SLC39A11: variants seen among roughly 807,000 people sequenced by gnomAD.
SLC39A11 encodes the protein zinc transporter ZIP11.
SLC39A11 carries 33 observed loss-of-function variants against 36.1 expected under a neutral mutation model. The observed-to-expected ratio is 0.91, with a 90% confidence interval of 0.69 to 1.22. SLC39A11 has a LOEUF of 1.22. Ranked by LOEUF, SLC39A11 falls within the 50% of genes most tolerant of loss-of-function variation. The pLI, the probability that SLC39A11 is intolerant of heterozygous loss-of-function variation, is 0.00. For synonymous variants in SLC39A11, 166 were observed against 170.3 expected, an observed-to-expected ratio of 0.97 and a Z score of 0.20; for missense variants, 432 against 430.3, an observed-to-expected ratio of 1.00 and a Z score of -0.03.
chr17:72,909,494 G>T (rs2082850594), intron 5 of SLC39A11, among the ~76,000 whole-genome samples: 1 of 152,156 alleles, frequency 6.6e-6, no homozygotes. Context: ...TACGAAGAAA[G>T]AACTGGTCCA....
intron 6 of SLC39A11, among the ~76,000 whole-genome samples, chr17:72,748,336 C>A (rs1399901983): frequency 3.8e-5 from 5 of 133,212 alleles, no homozygotes; most frequent in Non-Finnish European, 6.7e-5. Flanking sequence ...AAAAAAAATT[C>A]TTATCAATAA....
chr17:72,773,578 A>ATT (rs1232205247), intron 6 of SLC39A11, among the ~76,000 whole-genome samples: 7 of 151,586 alleles, frequency 4.6e-5, no homozygotes, highest in Non-Finnish European at 8.8e-5. Flanking sequence ...TTCTTTATGA[A>ATT]TTACCCAGTC....
chr17:72,666,157 T>C (rs2070746849), intron 7 of SLC39A11, among the ~76,000 whole-genome samples: 1 of 152,214 alleles, frequency 6.6e-6, no homozygotes, highest in Non-Finnish European at 1.5e-5. Flanking sequence ...CTTTTCCAGA[T>C]CCTACGTTTT....
chr17:72,862,041 A>T (rs962452635), intron 5 of SLC39A11, among the ~76,000 whole-genome samples: 8 of 151,944 alleles, frequency 5.3e-5, no homozygotes, highest in South Asian at 4.1e-4. Context: ...CCATGAATCA[A>T]CCCATTCAAA....
chr17:72,718,691 C>G (rs58044734), intron 7 of SLC39A11, among the ~76,000 whole-genome samples: 45,708 of 152,070 alleles, frequency 0.3, 8,640 homozygotes, highest in African/African-American at 0.53. Context: ...ACAGAAAGTA[C>G]AATGGCAGCT....
intron 5 of SLC39A11, among the ~76,000 whole-genome samples, chr17:72,899,543 G>C (rs899383552): frequency 6.6e-6 from 1 of 152,012 alleles, no homozygotes; most frequent in South Asian, 2.1e-4. Context: ...ATTCCTCTCC[G>C]GCCACATTCA....
At chr17:72,835,529 C>T (rs147075288) in intron 6 of SLC39A11, among the ~76,000 whole-genome samples, 1 of 152,256 alleles carries the variant, frequency 6.6e-6, no homozygotes, top group Non-Finnish European at 1.5e-5. Flanking sequence ...GGCACAAGCA[C>T]GGCTCACTGC....
intron 5 of SLC39A11, among the ~76,000 whole-genome samples, chr17:72,882,636 T>C (rs981486939): frequency 2.6e-5 from 4 of 152,148 alleles, no homozygotes; most frequent in African/African-American, 7.2e-5. Context: ...GCTACTTTAT[T>C]CATTAAAGCC....
At chr17:72,707,122 G>A (rs577633514) in intron 7 of SLC39A11, among the ~76,000 whole-genome samples, 2 of 152,262 alleles carry the variant, frequency 1.3e-5, no homozygotes, top group Non-Finnish European at 2.9e-5. Flanking sequence ...TTGCTAGGCC[G>A]GGCATCATGG....
rs530117126 is a variant in SLC39A11, at chr17:72,760,065, CACCAAA to C, written c.602-23352_602-23347del. ...TTTTTGACACAGGGTCTCACTCTGTCACCAAAGCTGGAGTGCAGTGGTGCAATCTCG... is the reference window on the plus strand; with the variant it reads ...TTTTTGACACAGGGTCTCACTCTGTCGCTGGAGTGCAGTGGTGCAATCTCG... On this transcript the variant is annotated intron_variant, in intron 6 of 9. Coordinates refer to ENST00000255559, the MANE Select transcript of SLC39A11 (RefSeq NM_139177.4). Among the ~76,000 whole-genome samples the C allele has an allele frequency of 4.0e-4, 61 of 152,306 alleles. No individual in the cohort carries two copies. The South Asian group carries it at 4.4e-3, about 11-fold the overall frequency.
intron 3 of SLC39A11, among the ~76,000 whole-genome samples, chr17:73,076,822 T>A (rs1192928837): frequency 1.4e-5 from 2 of 147,430 alleles, no homozygotes; most frequent in Non-Finnish European, 3.0e-5. Context: ...TTTTTTTACA[T>A]CTGAATTTTT....
intron 3 of SLC39A11, among the ~76,000 whole-genome samples, chr17:73,073,041 G>A (rs1188158422): frequency 6.6e-6 from 1 of 152,192 alleles, no homozygotes; most frequent in Admixed American, 6.5e-5. Flanking sequence ...TTAGCTGGAC[G>A]TGGTGGCAGG....
intron 5 of SLC39A11, among the ~76,000 whole-genome samples, chr17:72,944,889 A>G (rs1476909235): frequency 2.0e-5 from 3 of 152,252 alleles, no homozygotes; most frequent in African/African-American, 4.8e-5. Context: ...AGGTGTGATT[A>G]TAGAAACATG....
intron 3 of SLC39A11, among the ~76,000 whole-genome samples, chr17:73,080,955 A>AAAATAAATAAAT (rs137991770): frequency 3.4e-4 from 50 of 147,010 alleles, no homozygotes; most frequent in African/African-American, 4.5e-4. Flanking sequence ...AAAAAACAAT[A>AAAATAAATAAAT]AAATAAATAA....
At chr17:73,051,153 T>C (rs576498993) in intron 3 of SLC39A11, among the ~76,000 whole-genome samples, 1 of 152,252 alleles carries the variant, frequency 6.6e-6, no homozygotes, top group East Asian at 1.9e-4. Flanking sequence ...CTGCCTCTAG[T>C]GGCTGCCAGA....
At chr17:72,914,009 G>GAA (rs112710441) in intron 5 of SLC39A11, among the ~76,000 whole-genome samples, 81,663 of 145,976 alleles carry the variant, frequency 0.56, 23,302 homozygotes, top group African/African-American at 0.66. Context: ...TAAAATAATT[G>GAA]AAAGAAAAAA....
chr17:72,731,114 G>C (rs1158094370), intron 7 of SLC39A11, among the ~76,000 whole-genome samples: 1 of 152,192 alleles, frequency 6.6e-6, no homozygotes, highest in Non-Finnish European at 1.5e-5. Context: ...AGTCAGTCAA[G>C]CAGTTGTGAC....
chr17:72,912,636 T>A (rs1049952202), intron 5 of SLC39A11, among the ~76,000 whole-genome samples: 22 of 151,956 alleles, frequency 1.4e-4, no homozygotes, highest in African/African-American at 5.3e-4. Flanking sequence ...TGGTGGCAAC[T>A]TCAGTAGGCT....
chr17:72,851,079 TG>T (rs2079292508), intron 5 of SLC39A11, among the ~76,000 whole-genome samples: 1 of 151,822 alleles, frequency 6.6e-6, no homozygotes, highest in South Asian at 2.1e-4. Context: ...CAAGCAGAGA[TG>T]GGAAACCATG....
Sources: gnomAD v4.1 joint callset for allele counts (sites outside exome capture counted in the v4.1 genomes callset) on GRCh38, gnomAD v4.1.1 for gene constraint, MANE v1.5 for transcripts, NCBI Gene and HGNC (gene_info 2026-07-23, HGNC 2026-07-21) for gene names.